The following MARK2 variants were observed in gnomAD, a reference collection of about 807,000 sequenced individuals.
The protein encoded by MARK2 is microtubule affinity regulating kinase 2.
In MARK2, 16 loss-of-function variants were observed where a neutral mutation model predicts 89.8. The ratio of observed to expected loss-of-function variants is 0.18; its 90% CI spans 0.12 to 0.27. The LOEUF (loss-of-function observed/expected upper bound fraction) is 0.27. MARK2 is among the 10% of genes least tolerant of loss of function. MARK2 has a pLI of 1.00. For missense variants in MARK2, 621 were observed against 1,049.9 expected, an observed-to-expected ratio of 0.59 and a Z score of 5.65; for synonymous variants, 382 against 399.5, an observed-to-expected ratio of 0.96 and a Z score of 0.52.
intron 1 of MARK2, among the ~76,000 whole-genome samples, chr11:63,859,418 T>G (rs1434947215): frequency 6.6e-6 from 1 of 151,408 alleles, no homozygotes; most frequent in Non-Finnish European, 1.5e-5. Flanking sequence ...CCTCACAGGT[T>G]CAAGCAATTC....
In MARK2 at chr11:63,903,007, G is replaced by T; in HGVS notation, c.1417-54G>T. On this transcript the variant is annotated intron_variant, in intron 13 of 18. Coordinates refer to ENST00000402010, the MANE Select transcript of MARK2 (RefSeq NM_001039469.3). This position sits in a 1 kb window ranked among gnomAD's most constrained non-coding sequence, Gnocchi z 5.1. ...TTCCATGAACCTGGGGGGAGAACCT[G>T]GCTGTAGACCACTTTGGCTTTCTGA... The T allele has an allele frequency of 6.7e-7, 1 of 1,481,926 alleles. No homozygotes were observed. The allele number at this position is 1,481,926 out of a possible 1,614,324, so 91.8% of individuals were successfully genotyped here.
intron 7 of MARK2, among the ~76,000 whole-genome samples, chr11:63,899,534 A>G (rs1940695220): frequency 6.6e-6 from 1 of 152,184 alleles, no homozygotes; most frequent in Non-Finnish European, 1.5e-5. Context: ...TCACCAAGAT[A>G]CTCAAGTTTG....
At position 63,900,774 on chromosome 11, in the gene MARK2, C is replaced by T. The variant is rs1482336058; in HGVS notation, c.889-6C>T. ...CCCTGCCCTTTTCCTTCTCTGTGCT[C>T]CCCAGCAAATCATGAAAGATCGATG... On this transcript the variant is annotated splice_polypyrimidine_tract_variant and splice_region_variant and intron_variant, in intron 9 of 18. Coordinates refer to ENST00000402010, the MANE Select transcript of MARK2 (RefSeq NM_001039469.3). This position sits in a 1 kb window ranked among gnomAD's most constrained non-coding sequence, Gnocchi z 4.7. 1.2e-6 allele frequency: 2 copies of T among 1,613,898 alleles called. No homozygotes were observed. The highest frequency in any genetic ancestry group is 1.7e-6 in the Non-Finnish European group (2 of 1,179,890).
intron 1 of MARK2, among the ~76,000 whole-genome samples, chr11:63,870,358 C>G (rs76450410): frequency 1.3e-5 from 2 of 152,192 alleles, no homozygotes; most frequent in African/African-American, 4.8e-5. Flanking sequence ...CAGACATGAG[C>G]CGTGGCGCCC....
rs771721301 is a variant in MARK2 at position 63,902,699 on chromosome 11, C to T, written c.1333C>T (p.Arg445Trp). 21 of 1,613,982 alleles carry T rather than the reference C, an allele frequency of 1.3e-5. No individual in the cohort carries two copies. The highest frequency in any genetic ancestry group is 3.3e-4 in the Middle Eastern group (2 of 6,064). Residue 445 changes from arginine (R) to tryptophan (W), a missense_variant, in exon 13 of 19, where the codon CGG becomes TGG. Physicochemically the swap from Arg to Trp is moderately radical, Grantham distance 101 (BLOSUM62 -3). Coordinates refer to ENST00000402010, the MANE Select transcript of MARK2 (RefSeq NM_001039469.3). The surrounding 1 kb of genome is among the most constrained non-coding windows in gnomAD (Gnocchi z 4.2). ...KRPEEDRESGRKASSTAKVPA... is the reference protein window; with the variant it reads ...KRPEEDRESGWKASSTAKVPA... ...GCCTGAGGAGGACCGGGAGTCAGGG[C>T]GGAAAGCCAGCAGCACAGCCAAGGT... is the stretch of plus-strand genomic sequence containing the variant.
chr11:63,895,394 C>A (rs1050544625), intron 2 of MARK2, 56 bp downstream of exon 2: 1 of 1,570,806 alleles, frequency 6.4e-7, no homozygotes. Flanking sequence ...GACACTCCAG[C>A]AGGTGGTGAT....
At chr11:63,875,961 C>T (rs917306378) in intron 1 of MARK2, among the ~76,000 whole-genome samples, 1 of 152,194 alleles carries the variant, frequency 6.6e-6, no homozygotes, top group African/African-American at 2.4e-5. Flanking sequence ...TTACTCTGGC[C>T]ACACTGTGCA....
At chr11:63,859,290 G>A (rs1000630641) in intron 1 of MARK2, among the ~76,000 whole-genome samples, 1 of 149,790 alleles carries the variant, frequency 6.7e-6, no homozygotes, top group African/African-American at 2.4e-5. Flanking sequence ...TTTTCCTTTT[G>A]TACTTGACTC....
chr11:63,888,464 G>A (rs1227118231), intron 1 of MARK2: 2 of 960,816 alleles, frequency 2.1e-6, no homozygotes, highest in Non-Finnish European at 2.5e-6. Context: ...ACCTTGGGGA[G>A]GGTGGGGCTG....
At chr11:63,868,143 G>A (rs181732724) in intron 1 of MARK2, among the ~76,000 whole-genome samples, 169 of 152,146 alleles carry the variant, frequency 1.1e-3, no homozygotes, top group Non-Finnish European at 1.7e-3. Context: ...TGTAATCCCC[G>A]CACTTTGGGA....
intron 1 of MARK2, chr11:63,890,233 C>A: frequency 7.5e-7 from 1 of 1,331,568 alleles, no homozygotes. Flanking sequence ...GGCTTGCCTC[C>A]TTACCCTGGC....
At chr11:63,883,116 A>G (rs1364500075) in intron 1 of MARK2, among the ~76,000 whole-genome samples, 6 of 152,344 alleles carry the variant, frequency 3.9e-5, no homozygotes, top group Middle Eastern at 6.8e-3. Context: ...AGCTTCCCTC[A>G]GCCCTTGGCA....
intron 1 of MARK2, among the ~76,000 whole-genome samples, chr11:63,884,095 G>T (rs577025339): frequency 1.3e-5 from 2 of 152,320 alleles, no homozygotes; most frequent in African/African-American, 4.8e-5. Flanking sequence ...GAGCCAGATC[G>T]CACTGAGCTT....
chr11:63,851,712 T>C (rs137991500), intron 1 of MARK2, among the ~76,000 whole-genome samples: 118 of 152,322 alleles, frequency 7.7e-4, no homozygotes, highest in African/African-American at 2.7e-3. Flanking sequence ...CCTGGTCCTT[T>C]TGTTCTCTCA....
chr11:63,842,311 G>A (rs2135187601), intron 1 of MARK2, among the ~76,000 whole-genome samples: 1 of 151,862 alleles, frequency 6.6e-6, no homozygotes, highest in Admixed American at 6.6e-5. Context: ...CCGCCTCCTG[G>A]GTTCAAGCGA....
intron 1 of MARK2, among the ~76,000 whole-genome samples, chr11:63,881,034 T>C (rs527946491): frequency 6.6e-6 from 1 of 152,282 alleles, no homozygotes; most frequent in Non-Finnish European, 1.5e-5. Context: ...CCTGGTGCAG[T>C]GGCTCACGCC....
At chr11:63,908,144 T>G (rs895112007) in intron 17 of MARK2, 116 bp from the exon 18 acceptor site, 3 of 886,946 alleles carry the variant, frequency 3.4e-6, no homozygotes, top group Non-Finnish European at 3.6e-6. Flanking sequence ...GGCCCTGGGC[T>G]TGGGTCCTGC....
At chr11:63,842,551 C>T (rs1356598759) in intron 1 of MARK2, among the ~76,000 whole-genome samples, 1 of 152,088 alleles carries the variant, frequency 6.6e-6, no homozygotes, top group Non-Finnish European at 1.5e-5. Flanking sequence ...AGCAGCAGCT[C>T]CTCAGGTCAC....
At chr11:63,845,508 A>T (rs1470591923) in intron 1 of MARK2, among the ~76,000 whole-genome samples, 1 of 152,134 alleles carries the variant, frequency 6.6e-6, no homozygotes, top group African/African-American at 2.4e-5. Context: ...TTCATCAAAC[A>T]TGAGTGAGTC....
Sources: gnomAD v4.1 joint callset for allele counts (sites outside exome capture counted in the v4.1 genomes callset) on GRCh38, gnomAD v4.1.1 for gene constraint, Gnocchi (gnomAD v3.1) non-coding constraint, MANE v1.5 for transcripts, NCBI Gene and HGNC (gene_info 2026-07-23, HGNC 2026-07-21) for gene names.